Variants in AGMO observed in about 807,000 individuals in gnomAD.
AGMO encodes the protein glyceryl-ether monooxygenase.
A neutral mutation model predicts 60.2 loss-of-function variants in AGMO; 75 were observed. The ratio of observed to expected loss-of-function variants is 1.25; its 90% confidence interval spans 1.03 to 1.51. The LOEUF (loss-of-function observed/expected upper bound fraction) is 1.51. AGMO is among the 40% of genes most tolerant of loss of function. AGMO has a pLI of 0.00. For synonymous variants in AGMO, 261 were observed against 177.1 expected (o/e 1.47, Z -3.76); for missense variants, 763 against 525.5 (o/e 1.45, Z -4.42).
chr7:15,308,010 G>T (rs1780664560), intron 12 of AGMO, among the ~76,000 whole-genome samples: 1 of 151,824 alleles, frequency 6.6e-6, no homozygotes, highest in Non-Finnish European at 1.5e-5. Context: ...TAAATACCTG[G>T]AATTTCCCCA....
intron 12 of AGMO, among the ~76,000 whole-genome samples, chr7:15,271,042 A>G (rs1012559684): frequency 1.3e-5 from 2 of 152,044 alleles, no homozygotes; most frequent in African/African-American, 4.8e-5. Context: ...TTGTACCAGT[A>G]CCATGCTGTT....
chr7:15,394,610 C>T (rs1007305448), intron 5 of AGMO, among the ~76,000 whole-genome samples: 1 of 152,186 alleles, frequency 6.6e-6, no homozygotes, highest in African/African-American at 2.4e-5. Context: ...CCTTAGATTT[C>T]ATGTTGCATT....
chr7:15,120,753 TTC>T, the AGMO span, among the ~76,000 whole-genome samples: 2 of 70,502 alleles, frequency 2.8e-5, no homozygotes, highest in African/African-American at 6.0e-5. Context: ...GATAATATAT[TTC>T]TTTCTTTCTT....
At chr7:15,195,892 C>T (rs542835553), downstream of AGMO, among the ~76,000 whole-genome samples, 2 of 152,212 alleles carry the variant, frequency 1.3e-5, no homozygotes, top group African/African-American at 2.4e-5. Context: ...CAAACAGGAC[C>T]TATGGTGACA....
At chr7:15,199,823 C>T (rs912144819), downstream of AGMO, among the ~76,000 whole-genome samples, 3 of 152,130 alleles carry the variant, frequency 2.0e-5, no homozygotes, top group Admixed American at 6.5e-5. Flanking sequence ...GAAGCAAAGC[C>T]AAACCCACTT....
At chr7:15,387,903 TC>T (rs1305138720) in intron 8 of AGMO, among the ~76,000 whole-genome samples, 18 of 98,484 alleles carry the variant, frequency 1.8e-4, no homozygotes, top group African/African-American at 7.1e-4. Flanking sequence ...TGACACATTC[TC>T]TTTTTTTTTT....
At chr7:15,281,854 G>A (rs1178301921) in intron 12 of AGMO, among the ~76,000 whole-genome samples, 1 of 152,104 alleles carries the variant, frequency 6.6e-6, no homozygotes, top group Non-Finnish European at 1.5e-5. Context: ...AGAAACTTCT[G>A]CCATTCCAAC....
intron 12 of AGMO, among the ~76,000 whole-genome samples, chr7:15,326,288 T>A (rs997749703): frequency 6.6e-6 from 1 of 152,184 alleles, no homozygotes; most frequent in African/African-American, 2.4e-5. Context: ...CTGTATTTGA[T>A]TACTTACTGA....
Position 15,342,260 on chromosome 7 carries a change from A to C in AGMO, c.1263+23254T>G, listed in dbSNP as rs1781879727. Among the ~76,000 whole-genome samples, 3 of 150,920 alleles carry C rather than the reference A, an allele frequency of 2.0e-5. No individual in the cohort carries two copies. In the South Asian group the frequency reaches 6.4e-4, roughly 32 times the overall value. ...GAAGAAAAGAAGTCTCTAGCAGCTG[A>C]GAAAGCCATGGTCAGCAAGGGAGGA... On this transcript the variant is annotated intron_variant, in intron 12 of 12. Transcript: ENST00000342526.
intron 3 of AGMO, among the ~76,000 whole-genome samples, chr7:15,533,508 C>T (rs1784417327): frequency 6.6e-6 from 1 of 152,030 alleles, no homozygotes; most frequent in Non-Finnish European, 1.5e-5. Context: ...CTCAAATATC[C>T]TCTACTCAAC....
chr7:15,531,883 G>T (rs1436885429), intron 3 of AGMO, among the ~76,000 whole-genome samples: 1 of 151,532 alleles, frequency 6.6e-6, no homozygotes, highest in Non-Finnish European at 1.5e-5. Flanking sequence ...TGGCCAAGCT[G>T]GTCTCGAACT....
chr7:15,525,977 A>C (rs1439731399), intron 3 of AGMO, among the ~76,000 whole-genome samples: 4 of 152,146 alleles, frequency 2.6e-5, no homozygotes, highest in African/African-American at 7.2e-5. Context: ...GTCCAGCCGC[A>C]AGCCCTGCAT....
chr7:15,354,341 C>CGCGTGTATATACGT (rs112393143), intron 12 of AGMO, among the ~76,000 whole-genome samples: 1 of 34,052 alleles, frequency 2.9e-5, no homozygotes, highest in Non-Finnish European at 5.9e-5. Flanking sequence ...CGTGTATATA[C>CGCGTGTATATACGT]ACGCGTGTAT....
At chr7:15,445,057 A>T (rs771853291) in intron 3 of AGMO, among the ~76,000 whole-genome samples, 2 of 152,194 alleles carry the variant, frequency 1.3e-5, no homozygotes, top group African/African-American at 4.8e-5. Flanking sequence ...ATCAGGCAAA[A>T]GCCAATATTT....
At chr7:15,491,970 A>G (rs1783077424) in intron 3 of AGMO, among the ~76,000 whole-genome samples, 1 of 152,236 alleles carries the variant, frequency 6.6e-6, no homozygotes, top group Non-Finnish European at 1.5e-5. Context: ...AGTTAGAAAC[A>G]TTCGCAGTGC....
chr7:15,405,032 C>T (rs559843337), intron 5 of AGMO, among the ~76,000 whole-genome samples: 10 of 151,934 alleles, frequency 6.6e-5, no homozygotes, highest in East Asian at 5.8e-4. Context: ...AGGACTTACA[C>T]GTCTTAAGTT....
At chr7:15,188,672 T>G in the AGMO span, among the ~76,000 whole-genome samples, 1 of 152,140 alleles carries the variant, frequency 6.6e-6, no homozygotes, top group African/African-American at 2.4e-5. Context: ...TTAGAGTATG[T>G]GGAAACGAGA....
At chr7:15,461,310 C>T (rs1481147788) in intron 3 of AGMO, among the ~76,000 whole-genome samples, 1 of 151,018 alleles carries the variant, frequency 6.6e-6, no homozygotes, top group Non-Finnish European at 1.5e-5. Context: ...GTAAAAAAAA[C>T]TTTATACCCC....
At chr7:15,528,275 C>T (rs916973811) in intron 3 of AGMO, among the ~76,000 whole-genome samples, 18 of 151,958 alleles carry the variant, frequency 1.2e-4, no homozygotes, top group South Asian at 2.1e-4. Flanking sequence ...ACTTAGTAAA[C>T]GACAGTGTAG....
Sources: allele counts gnomAD v4.1 joint callset (sites outside exome capture counted in the v4.1 genomes callset), GRCh38; gene constraint gnomAD v4.1.1; transcripts MANE v1.5; gene names NCBI Gene and HGNC (gene_info 2026-07-23, HGNC 2026-07-21).